The following STK3 variants were observed in gnomAD, a reference collection of about 807,000 sequenced individuals.
STK3 encodes the protein serine/threonine-protein kinase 3.
Under a neutral mutation model 58.0 loss-of-function variants are expected in STK3, and 41 were observed. The observed-to-expected ratio is 0.71, with a 90% CI of 0.55 to 0.92. The LOEUF (loss-of-function observed/expected upper bound fraction) is 0.92, where lower values mean the gene tolerates loss of function less well. Ranked by LOEUF, STK3 falls within the 40% of genes least tolerant of loss-of-function variation. The pLI, the probability that STK3 is intolerant of heterozygous loss-of-function variation, is 0.00. For missense variants in STK3, 479 were observed against 602.7 expected, an observed-to-expected ratio of 0.79 and a Z score of 2.15; for synonymous variants, 170 against 191.0, an observed-to-expected ratio of 0.89 and a Z score of 0.91.
At chr8:98,574,374 C>T (rs1424061707) in intron 8 of STK3, among the ~76,000 whole-genome samples, 2 of 152,036 alleles carry the variant, frequency 1.3e-5, no homozygotes, top group East Asian at 3.9e-4. Context: ...GCAAGCAAAC[C>T]TCAAATCCAG....
chr8:98,427,165 C>G (rs953970343), intron 3 of STK3: 14 of 150,268 alleles, frequency 9.3e-5, no homozygotes, highest in African/African-American at 2.9e-4. Flanking sequence ...GTACCCGGCC[C>G]GAGACGGGAG....
intron 10 of STK3, among the ~76,000 whole-genome samples, chr8:98,489,123 A>G (rs1461022228): frequency 6.6e-6 from 1 of 152,188 alleles, no homozygotes; most frequent in Non-Finnish European, 1.5e-5. Flanking sequence ...AATGCTGTCA[A>G]AAAGGCCCTA....
At chr8:98,923,828 CGTGTGTGT>C (rs55929161) in intron 1 of STK3, among the ~76,000 whole-genome samples, 2 of 144,380 alleles carry the variant, frequency 1.4e-5, no homozygotes, top group South Asian at 2.4e-4. Context: ...TTTGCAAAAA[CGTGTGTGT>C]GTGTGTGTGT....
chr8:98,595,871 G>A (rs1348202687), intron 7 of STK3, 161 bp downstream of exon 7: 2 of 671,820 alleles, frequency 3.0e-6, no homozygotes, highest in Admixed American at 6.8e-5. Flanking sequence ...GGGGAAATGA[G>A]GGGACGAGAG....
chr8:98,548,160 T>G lies in STK3; in HGVS notation c.950A>C (p.Asp317Ala), dbSNP rs368388279. Reference protein sequence around the residue: ...RELEEEEENSDEDELDSHTMV... With the variant: ...RELEEEEENSAEDELDSHTMV... ...GGTGTGGGAATCCAGCTCATCTTCA[T>G]CCTGCAAGCAAAATACTGCAATGAG... The change falls in exon 9 of 11, where the codon GAT (aspartate) becomes GCT (alanine). Residue 317 changes from aspartate (D) to alanine (A), a missense_variant and splice_region_variant. By Grantham distance (126) the Asp-to-Ala change is moderately radical. Coordinates refer to ENST00000419617, the MANE Select transcript of STK3 (RefSeq NM_006281.4). 1.7e-5 allele frequency: 26 copies of G among 1,532,712 alleles called. No homozygotes were observed. The highest frequency in any genetic ancestry group is 2.8e-5 in the African/African-American group (2 of 71,952). 94.9% of individuals were successfully genotyped at this position (1,532,712 alleles called of 1,614,324 possible).
chr8:98,769,451 C>T (rs555684006), intron 2 of STK3, among the ~76,000 whole-genome samples: 4 of 152,326 alleles, frequency 2.6e-5, no homozygotes, highest in South Asian at 2.1e-4. Flanking sequence ...CATCCATGTA[C>T]GATGTGACCT....
chr8:98,929,290 A>G (rs571752258), intron 1 of STK3, among the ~76,000 whole-genome samples: 187 of 152,302 alleles, frequency 1.2e-3, no homozygotes, highest in African/African-American at 4.1e-3. Flanking sequence ...ACAAAAAAAA[A>G]CTAACTAGAG....
intron 1 of STK3, among the ~76,000 whole-genome samples, chr8:98,381,643 C>G (rs994675184): frequency 6.6e-6 from 1 of 152,176 alleles, no homozygotes; most frequent in Non-Finnish European, 1.5e-5. Flanking sequence ...GTCTATTGTC[C>G]GTCACTTAAC....
chr8:98,724,289 C>T (rs565887981), intron 4 of STK3, among the ~76,000 whole-genome samples: 1 of 152,274 alleles, frequency 6.6e-6, no homozygotes, highest in South Asian at 2.1e-4. Flanking sequence ...CGACCATCTA[C>T]CTTACCATTC....
chr8:98,549,611 G>A (rs1172228166), intron 8 of STK3, among the ~76,000 whole-genome samples: 2 of 151,982 alleles, frequency 1.3e-5, no homozygotes, highest in Admixed American at 6.6e-5. Context: ...TTTTGCTTTT[G>A]TTGACAAATC....
chr8:98,919,410 C>A (rs547580907), intron 1 of STK3, among the ~76,000 whole-genome samples: 2 of 151,974 alleles, frequency 1.3e-5, no homozygotes, highest in Non-Finnish European at 2.9e-5. Context: ...TCAGAAAAAC[C>A]GCTGTCAGTT....
intron 6 of STK3, among the ~76,000 whole-genome samples, chr8:98,657,972 T>TAA (rs899544273): frequency 5.3e-5 from 8 of 151,982 alleles, no homozygotes; most frequent in African/African-American, 1.7e-4. Context: ...ATAAAGAAAG[T>TAA]AAAATTTAGG....
At chr8:98,684,720 G>A (rs116117589) in intron 6 of STK3, among the ~76,000 whole-genome samples, 1,682 of 152,216 alleles carry the variant, frequency 0.011, 11 homozygotes, top group Middle Eastern at 0.02. Flanking sequence ...CCATTATTAC[G>A]TAGCAACAAT....
At chr8:98,941,054 CA>C (rs1261640601) in intron 1 of STK3, among the ~76,000 whole-genome samples, 1 of 152,168 alleles carries the variant, frequency 6.6e-6, no homozygotes, top group Admixed American at 6.5e-5. Flanking sequence ...AGCCCTCACG[CA>C]GCGGAGCCCA....
chr8:98,480,048 A>G (rs1821724122), intron 10 of STK3, among the ~76,000 whole-genome samples: 1 of 152,132 alleles, frequency 6.6e-6, no homozygotes, highest in Non-Finnish European at 1.5e-5. Context: ...TGAAGAGGAG[A>G]GAGAAAAAAA....
In STK3 at chr8:98,517,779, T is replaced by G. The variant is rs142953195; in HGVS notation, c.1317+8963A>C. Among the ~76,000 whole-genome samples, 167 of 152,174 alleles carry G rather than the reference T, an allele frequency of 1.1e-3. 1 individual carries two copies. Among genetic ancestry groups the G allele is most frequent in the Non-Finnish European group, 2.0e-3 (137 of 67,932 alleles). On this transcript the variant is annotated intron_variant, in intron 10 of 10. Transcript: ENST00000419617. ...GTAAACACTGTTGGGCTATCAGTCT[T>G]AAATTAGAAGATCATAAATTACATT...
At chr8:98,767,435 A>C in intron 2 of STK3, 64 bp from the exon 3 acceptor site, 1 of 1,440,200 alleles carries the variant, frequency 6.9e-7, no homozygotes, top group Non-Finnish European at 9.2e-7. Flanking sequence ...TTAAAAGTCT[A>C]CTATGAGTTT....
At chr8:98,454,020 C>T (rs905556073), downstream of STK3, among the ~76,000 whole-genome samples, 1 of 152,026 alleles carries the variant, frequency 6.6e-6, no homozygotes, top group Admixed American at 6.6e-5. Context: ...TCATACTTAT[C>T]GTTCTTTTTA....
intron 6 of STK3, among the ~76,000 whole-genome samples, chr8:98,619,281 G>T (rs1268988764): frequency 6.0e-5 from 9 of 151,096 alleles, no homozygotes; most frequent in Non-Finnish European, 1.3e-4. Flanking sequence ...GCTGAAACTG[G>T]ATCCCTTCCT....
Sources: allele counts gnomAD v4.1 joint callset (sites outside exome capture counted in the v4.1 genomes callset), GRCh38; gene constraint gnomAD v4.1.1; transcripts MANE v1.5; gene names NCBI Gene and HGNC (gene_info 2026-07-23, HGNC 2026-07-21).